KRT23: variants seen among roughly 807,000 people sequenced by gnomAD.
The protein encoded by KRT23 is keratin 23.
A neutral mutation model predicts 47.6 loss-of-function variants in KRT23; 38 were observed. The ratio of observed to expected loss-of-function variants is 0.80; its 90% CI spans 0.62 to 1.05. The LOEUF (loss-of-function observed/expected upper bound fraction) is 1.05, where lower values mean the gene tolerates loss of function less well. KRT23 is among the 50% of genes least tolerant of loss of function. The pLI is 0.00. For synonymous variants in KRT23, 191 were observed against 199.0 expected, an observed-to-expected ratio of 0.96 and a Z score of 0.34; for missense variants, 503 against 529.5, an observed-to-expected ratio of 0.95 and a Z score of 0.49.
At chr17:40,924,537 G>A (rs1567790604) in intron 7 of KRT23, 34 bp from the exon 8 acceptor site, 1 of 1,574,994 alleles carries the variant, frequency 6.3e-7, no homozygotes, top group African/African-American at 1.3e-5. Flanking sequence ...GCTCACTTTA[G>A]TATTAGCAAC....
intron 2 of KRT23, among the ~76,000 whole-genome samples, chr17:40,935,837 T>C (rs954361644): frequency 9.2e-5 from 14 of 152,210 alleles, no homozygotes; most frequent in Admixed American, 6.5e-5. Flanking sequence ...ACACCAGCCC[T>C]TATCATTTCT....
intron 3 of KRT23, among the ~76,000 whole-genome samples, chr17:40,930,954 G>A (rs1446649368): frequency 2.0e-5 from 3 of 147,734 alleles, no homozygotes; most frequent in East Asian, 2.1e-4. Flanking sequence ...TGCATTTGCC[G>A]TTGCTATGCC....
At position 40,936,595 on chromosome 17, in the gene KRT23, G is replaced by A. The variant is rs1910095863; in HGVS notation, c.9C>T (p.Ser3=). 1.3e-6 allele frequency: 2 copies of A among 1,515,078 alleles called. No individual in the cohort carries two copies. The highest frequency in any genetic ancestry group is 1.3e-5 in the South Asian group (1 of 74,180). 93.9% of individuals were successfully genotyped at this position (1,515,078 alleles called of 1,614,324 possible). Residue 3 remains serine, a synonymous_variant, in exon 2 of 9, where the codon TCC becomes TCT. Transcript: ENST00000209718. The part of the protein sequence containing the change: MN[S]GHSFSQTPSA... ...AGGGGGTCTGGCTGAAGCTGTGTCC[G>A]GAGTTCATGGTCCCATCTGTGTTTG...
chr17:40,924,394 G>T, intron 8 of KRT23, 78 bp downstream of exon 8: 1 of 1,177,530 alleles, frequency 8.5e-7, no homozygotes, highest in Non-Finnish European at 1.3e-6. Flanking sequence ...GTACATTAAG[G>T]ATTATGACTA....
At chr17:40,930,976 A>G (rs1262876371) in intron 3 of KRT23, among the ~76,000 whole-genome samples, 2 of 149,862 alleles carry the variant, frequency 1.3e-5, no homozygotes, top group African/African-American at 4.9e-5. Context: ...TTTCATTATA[A>G]GATTTTAGAT....
At chr17:40,935,238 C>T (rs1474458749) in intron 2 of KRT23, among the ~76,000 whole-genome samples, 1 of 151,414 alleles carries the variant, frequency 6.6e-6, no homozygotes, top group Non-Finnish European at 1.5e-5. Context: ...CTTGACTGGT[C>T]CTTCCTACAT....
chr17:40,929,511 A>G (rs1909496562), intron 4 of KRT23, among the ~76,000 whole-genome samples: 1 of 152,240 alleles, frequency 6.6e-6, no homozygotes, highest in African/African-American at 2.4e-5. Flanking sequence ...AAAGTCAGTT[A>G]AATGCTTCTG....
At chr17:40,932,632 T>G (rs1909776677) in intron 2 of KRT23, among the ~76,000 whole-genome samples, 1 of 152,228 alleles carries the variant, frequency 6.6e-6, no homozygotes, top group East Asian at 1.9e-4. Flanking sequence ...GTCTTAGCTC[T>G]AAGTTTCTGT....
At chr17:40,936,117 C>A in intron 2 of KRT23, 91 bp downstream of exon 2, 1 of 1,412,904 alleles carries the variant, frequency 7.1e-7, no homozygotes, top group Non-Finnish European at 9.8e-7. Flanking sequence ...TGCCATTTTC[C>A]TGGAAATTGT....
chr17:40,931,642 C>G (rs1437158064), intron 2 of KRT23, among the ~76,000 whole-genome samples, 187 bp from the exon 3 acceptor site: 1 of 152,194 alleles, frequency 6.6e-6, no homozygotes, highest in East Asian at 1.9e-4. Flanking sequence ...AGGTGCAAAG[C>G]AGAATGATTT....
At chr17:40,923,368 TGAG>T (rs1567789402) in intron 8 of KRT23, among the ~76,000 whole-genome samples, 2 of 152,208 alleles carry the variant, frequency 1.3e-5, no homozygotes, top group East Asian at 1.9e-4. Flanking sequence ...CACAAGCACT[TGAG>T]GAGTTCTTTC....
chr17:40,925,516 T>C lies in KRT23; in HGVS notation c.980A>G (p.Gln327Arg), dbSNP rs866831919. 2.5e-6 allele frequency: 4 copies of C among 1,614,090 alleles called. No individual in the cohort carries two copies. The African/African-American group carries it at 4.0e-5, about 16-fold the overall frequency. ...ETQSRYSCKL[Q>R]DMQEIISHYE... The stretch of plus-strand genomic sequence containing the variant: ...GTGGGAGATGATCTCTTGCATGTCC[T>C]GGAGCTTGCAGGAGTACCGAGACTG... The change falls in exon 7 of 9, where the codon CAG becomes CGG. Residue 327 changes from glutamine (Q) to arginine (R), a missense_variant. Gln to Arg is a conservative substitution (Grantham distance 43, BLOSUM62 1). Coordinates refer to ENST00000209718, the MANE Select transcript of KRT23 (RefSeq NM_015515.5).
In KRT23 at chr17:40,936,363, C is replaced by G. The variant is rs763576009; in HGVS notation, c.241G>C (p.Asp81His). ...NGKATMQNLN[D>H]RLASYLEKVR... ...TTCTCCAGGTAGGAGGCCAGGCGGT[C>G]GTTGAGATTCTGCATGGTGGCCTTC... Residue 81 changes from aspartate (D) to histidine (H), a missense_variant, in exon 2 of 9, where the codon GAC becomes CAC. Transcript: ENST00000209718. 4 of 1,614,200 alleles carry G rather than the reference C, an allele frequency of 2.5e-6. No individual in the cohort carries two copies. The highest frequency in any genetic ancestry group is 3.4e-6 in the Non-Finnish European group (4 of 1,180,032).
In KRT23 at chr17:40,922,918, C is replaced by T; in HGVS notation, c.*71G>A. ...CCAAGGGTATCTTTTAGAACTCACT[C>T]ACTGGTGTCTGTGCAAGGACTTTCC... On this transcript the variant is annotated 3_prime_UTR_variant, in exon 9 of 9. Coordinates refer to ENST00000209718, the MANE Select transcript of KRT23 (RefSeq NM_015515.5). The T allele has an allele frequency of 9.6e-7, 1 of 1,042,304 alleles. No homozygotes were observed. The highest frequency in any genetic ancestry group is 2.4e-5 in the East Asian group (1 of 42,188). 64.6% of individuals were successfully genotyped at this position (1,042,304 alleles called of 1,614,324 possible). A position where few individuals can be genotyped will look rare whatever the true frequency, so the allele number is the denominator to read the frequency against.
rs774724140 is a variant in KRT23, at chr17:40,928,307, T to C, written c.852A>G (p.Gln284=). The C allele has an allele frequency of 1.2e-6, 2 of 1,614,234 alleles. No individual in the cohort carries two copies. The highest frequency in any genetic ancestry group is 1.1e-5 in the South Asian group (1 of 91,086). ...AASPATVQSR[Q]GDIHELKRTF... ...TGCGCTTCAGTTCGTGGATGTCACC[T>C]TGTCTGCTCTGCACAGTGGCTGGAC... Residue 284 remains glutamine, a synonymous_variant, in exon 6 of 9, where the codon CAA becomes CAG. Coordinates refer to ENST00000209718, the MANE Select transcript of KRT23 (RefSeq NM_015515.5).
At chr17:40,933,398 T>C (rs1909829688) in intron 2 of KRT23, among the ~76,000 whole-genome samples, 1 of 152,234 alleles carries the variant, frequency 6.6e-6, no homozygotes, top group South Asian at 2.1e-4. Context: ...ATTCTTTGCA[T>C]TATGTAAGCT....
At chr17:40,923,308 G>A (rs553651812) in intron 8 of KRT23, among the ~76,000 whole-genome samples, 118 of 152,340 alleles carry the variant, frequency 7.7e-4, no homozygotes, top group African/African-American at 2.8e-3. Flanking sequence ...ACCTTCTGGA[G>A]GTGAAGACCT....
At chr17:40,936,162 G>A (rs1274834115) in intron 2 of KRT23, 46 bp downstream of exon 2, 1 of 1,608,428 alleles carries the variant, frequency 6.2e-7, no homozygotes, top group Non-Finnish European at 8.5e-7. Flanking sequence ...AGGGTCCCCT[G>A]GCAAAGCAGC....
intron 7 of KRT23, among the ~76,000 whole-genome samples, chr17:40,924,755 A>C (rs1909122810): frequency 6.6e-6 from 1 of 152,114 alleles, no homozygotes; most frequent in African/African-American, 2.4e-5. Flanking sequence ...TTTCAGCTGC[A>C]AGCTTGGTTT....
Sources: gnomAD v4.1 joint callset for allele counts (sites outside exome capture counted in the v4.1 genomes callset) on GRCh38, gnomAD v4.1.1 for gene constraint, MANE v1.5 for transcripts, NCBI Gene and HGNC (gene_info 2026-07-23, HGNC 2026-07-21) for gene names.